The following ZNF33B variants were observed in gnomAD, a reference collection of about 807,000 sequenced individuals.
The protein encoded by ZNF33B is zinc finger protein 33B.
A neutral mutation model predicts 45.8 loss-of-function variants in ZNF33B; 29 were observed. That is an observed-to-expected ratio of 0.63 (90% CI 0.47 to 0.86). The LOEUF (loss-of-function observed/expected upper bound fraction) is 0.86, where lower values mean the gene tolerates loss of function less well. Among genes scored for constraint, ZNF33B ranks in the 40% least tolerant of loss-of-function variants. ZNF33B has a pLI of 0.00. For missense variants in ZNF33B, 831 were observed against 909.9 expected (o/e 0.91, Z 1.12); for synonymous variants, 305 against 307.8 (o/e 0.99, Z 0.10).
chr10:42,598,573 G>C (rs1462867641), intron 4 of ZNF33B, among the ~76,000 whole-genome samples: 2 of 152,324 alleles, frequency 1.3e-5, no homozygotes, highest in East Asian at 3.9e-4. Context: ...AGATAAAACT[G>C]TGAAGAACTT....
At chr10:42,634,582 C>G (rs528521768) in intron 2 of ZNF33B, among the ~76,000 whole-genome samples, 1 of 152,234 alleles carries the variant, frequency 6.6e-6, no homozygotes, top group East Asian at 1.9e-4. Flanking sequence ...AGATGTTTCA[C>G]CAAGTGAGGT....
chr10:42,623,891 A>G (rs1293584516), intron 4 of ZNF33B, among the ~76,000 whole-genome samples: 1 of 152,248 alleles, frequency 6.6e-6, no homozygotes, highest in African/African-American at 2.4e-5. Context: ...TTTGCTGAAT[A>G]CCTGACTGAA....
chr10:42,623,222 G>A (rs188214649), intron 4 of ZNF33B, among the ~76,000 whole-genome samples: 42 of 152,334 alleles, frequency 2.8e-4, no homozygotes, highest in Admixed American at 2.6e-3. Flanking sequence ...AGCCGAGATC[G>A]TGCCACTGCA....
rs748143883 is a variant in ZNF33B at position 42,593,427 on chromosome 10, T to C, written c.1523A>G (p.His508Arg). The C allele has an allele frequency of 6.2e-7, 1 of 1,614,096 alleles. No homozygotes were observed. Among genetic ancestry groups the C allele is most frequent in the South Asian group, 1.1e-5 (1 of 91,084 alleles). ...ECNACGKTFY[H>R]KSVLTRHQII... Reference sequence around the variant, plus strand: ...CTGATGCCTGGTGAGTACTGACTTGTGGTAGAAAGTTTTCCCACATGCATT... The same window carrying C: ...CTGATGCCTGGTGAGTACTGACTTGCGGTAGAAAGTTTTCCCACATGCATT... Residue 508 changes from histidine (H) to arginine (R), a missense_variant, in exon 5 of 5, where the codon CAC becomes CGC. His to Arg is a conservative substitution (Grantham distance 29). Coordinates refer to ENST00000359467, the MANE Select transcript of ZNF33B (RefSeq NM_006955.3).
At chr10:42,583,874 G>A (rs1431801286) in intron 1 of ZNF33B, among the ~76,000 whole-genome samples, 2 of 152,130 alleles carry the variant, frequency 1.3e-5, no homozygotes, top group Non-Finnish European at 2.9e-5. Flanking sequence ...CTTTCTCTTA[G>A]ATGTGGGCTC....
At chr10:42,634,917 C>T (rs928344486) in intron 2 of ZNF33B, among the ~76,000 whole-genome samples, 1 of 152,156 alleles carries the variant, frequency 6.6e-6, no homozygotes, top group South Asian at 2.1e-4. Context: ...ATAAACTAAT[C>T]TAGGGATTGG....
intron 2 of ZNF33B, among the ~76,000 whole-genome samples, chr10:42,635,075 T>C (rs117994052): frequency 0.01 from 1,560 of 152,198 alleles, 64 homozygotes; most frequent in Admixed American, 0.081. Flanking sequence ...AAACCCCATC[T>C]CTATTAAAAT....
At chr10:42,612,340 G>A (rs1434378578) in intron 4 of ZNF33B, among the ~76,000 whole-genome samples, 2 of 149,176 alleles carry the variant, frequency 1.3e-5, no homozygotes, top group Admixed American at 6.8e-5. Context: ...GGTTCTAAGC[G>A]ATTCTCCTGC....
intron 4 of ZNF33B, among the ~76,000 whole-genome samples, chr10:42,626,619 C>G (rs1312666827): frequency 6.6e-6 from 1 of 151,880 alleles, no homozygotes; most frequent in African/African-American, 2.4e-5. Flanking sequence ...ACCTGGGAGG[C>G]AGAGGTTGCA....
intron 1 of ZNF33B, among the ~76,000 whole-genome samples, 196 bp from the exon 2 acceptor site, chr10:42,637,168 T>C (rs551928992): frequency 1.3e-5 from 2 of 152,312 alleles, no homozygotes; most frequent in South Asian, 2.1e-4. Flanking sequence ...AACATAACCA[T>C]GTAGCTCTTG....
At position 42,616,096 on chromosome 10, in the gene ZNF33B, C is replaced by T. The variant is rs183893897; in HGVS notation, c.250+15833G>A. Reference sequence around the variant, plus strand: ...GGGCATGCAACTGTAATCCCAGCTACTCAGGAGGCTGTGTAATCCCAGCTA... The same window carrying T: ...GGGCATGCAACTGTAATCCCAGCTATTCAGGAGGCTGTGTAATCCCAGCTA... On this transcript the variant is annotated intron_variant, in intron 4 of 4. Coordinates refer to ENST00000359467, the MANE Select transcript of ZNF33B (RefSeq NM_006955.3). Among the ~76,000 whole-genome samples the T allele has an allele frequency of 2.0e-5, 3 of 151,942 alleles. No individual in the cohort carries two copies. The East Asian group carries it at 5.8e-4, about 30-fold the overall frequency.
At chr10:42,576,761 A>G (rs1193741407) in intron 1 of ZNF33B, among the ~76,000 whole-genome samples, 1 of 152,210 alleles carries the variant, frequency 6.6e-6, no homozygotes, top group Admixed American at 6.5e-5. Flanking sequence ...GGTGGAAAAC[A>G]AGAAGGAAAG....
At chr10:42,612,377 C>T (rs1287875514) in intron 4 of ZNF33B, among the ~76,000 whole-genome samples, 1 of 151,706 alleles carries the variant, frequency 6.6e-6, no homozygotes, top group Non-Finnish European at 1.5e-5. Context: ...GCTGGGAATA[C>T]AGGCGTGCTT....
chr10:42,586,628 A>C (rs1836941647), downstream of ZNF33B, among the ~76,000 whole-genome samples: 1 of 152,036 alleles, frequency 6.6e-6, no homozygotes, highest in East Asian at 1.9e-4. Context: ...GCTGCATGCA[A>C]ACACACACAC....
At position 42,592,948 on chromosome 10, in the gene ZNF33B, T is replaced by C; in HGVS notation, c.2002A>G (p.Asn668Asp). 6 of 1,613,272 alleles carry C rather than the reference T, an allele frequency of 3.7e-6. No homozygotes were observed. The change falls in exon 5 of 5, where the codon AAC (asparagine) becomes GAC (aspartate). Residue 668 changes from asparagine (N) to aspartate (D), a missense_variant. Asn to Asp is a conservative substitution (Grantham distance 23, BLOSUM62 1). Coordinates refer to ENST00000359467, the MANE Select transcript of ZNF33B (RefSeq NM_006955.3). The stretch of plus-strand genomic sequence containing the variant: ...ACACAGAAAGATTTTCCACATTCGT[T>C]ACATTTATAAGGCTTTTCTTGTGTA... ...THTQEKPYKC[N>D]ECGKSFCVKS...
At position 42,592,783 on chromosome 10, in the gene ZNF33B, A is replaced by G. The variant is rs1837190202; in HGVS notation, c.2167T>C (p.Cys723Arg). The G allele has an allele frequency of 1.2e-6, 2 of 1,613,996 alleles. No homozygotes were observed. The highest frequency in any genetic ancestry group is 1.7e-6 in the Non-Finnish European group (2 of 1,180,006). ...TAAAAGATTTTTCCACATTCATTAC[A>G]CTGACAAGATTTCTCTCCTGTGTGA... ...RAHTGEKSCQ[C>R]NECGKIFYRK... Residue 723 changes from cysteine (C) to arginine (R), a missense_variant, in exon 5 of 5, where the codon TGT becomes CGT. Physicochemically the swap from Cys to Arg is radical, Grantham distance 180. Coordinates refer to ENST00000359467, the MANE Select transcript of ZNF33B (RefSeq NM_006955.3).
intron 4 of ZNF33B, among the ~76,000 whole-genome samples, chr10:42,596,899 T>C (rs1837422973): frequency 6.6e-6 from 1 of 152,018 alleles, no homozygotes; most frequent in South Asian, 2.1e-4. Context: ...TCTACTTCTT[T>C]TCCACTCTAG....
At chr10:42,595,664 G>A (rs1837368598) in intron 4 of ZNF33B, among the ~76,000 whole-genome samples, 1 of 152,112 alleles carries the variant, frequency 6.6e-6, no homozygotes, top group Non-Finnish European at 1.5e-5. Flanking sequence ...AGAAGAGGAG[G>A]AGACTGGAAA....
intron 4 of ZNF33B, among the ~76,000 whole-genome samples, chr10:42,613,839 C>T (rs751898642): frequency 1.3e-5 from 2 of 152,166 alleles, no homozygotes; most frequent in Non-Finnish European, 2.9e-5. Flanking sequence ...ACCATTAGCC[C>T]CTATCTTGGT....
Sources: allele counts gnomAD v4.1 joint callset (sites outside exome capture counted in the v4.1 genomes callset), GRCh38; gene constraint gnomAD v4.1.1; transcripts MANE v1.5; gene names NCBI Gene and HGNC (gene_info 2026-07-23, HGNC 2026-07-21).